WWOX: variants seen among roughly 807,000 people sequenced by gnomAD.
WWOX encodes the protein WW domain containing oxidoreductase.
In WWOX, 69 loss-of-function variants were observed where a neutral mutation model predicts 46.2. The observed-to-expected ratio is 1.49, with a 90% CI of 1.23 to 1.82. The LOEUF is 1.82. Ranked by LOEUF, WWOX falls within the 40% of genes most tolerant of loss-of-function variation. The pLI, the probability that WWOX is intolerant of heterozygous loss-of-function variation, is 0.00. For synonymous variants in WWOX, 359 were observed against 202.6 expected, an observed-to-expected ratio of 1.77 and a Z score of -6.56; for missense variants, 919 against 542.6, an observed-to-expected ratio of 1.69 and a Z score of -6.89.
rs147738229 is a variant in WWOX, at chr16:78,748,218, A to G, written c.1056+315466A>G. Among the ~76,000 whole-genome samples the G allele has an allele frequency of 2.5e-3, 380 of 152,308 alleles. 4 individuals carry two copies. The highest frequency in any genetic ancestry group is 8.5e-3 in the African/African-American group (353 of 41,576). ...CCAAAGCTAGGGCAGTGTCCACTCA[A>G]TACATATCTGATGAATGAATGAATG... On this transcript the variant is annotated intron_variant, in intron 8 of 8. Transcript: ENST00000566780.
chr16:78,106,105 C>G (rs11649069), intron 1 of WWOX, among the ~76,000 whole-genome samples: 1 of 151,996 alleles, frequency 6.6e-6, no homozygotes, highest in Non-Finnish European at 1.5e-5. Flanking sequence ...CCCCGCCACT[C>G]CATGGATTCT....
At chr16:78,156,863 C>G (rs1027314443) in intron 4 of WWOX, among the ~76,000 whole-genome samples, 2 of 152,122 alleles carry the variant, frequency 1.3e-5, no homozygotes, top group African/African-American at 4.8e-5. Context: ...GGTGGAGGTT[C>G]TAGTGAGCAG....
chr16:79,098,310 G>C (rs2049118099), intron 8 of WWOX, among the ~76,000 whole-genome samples: 1 of 152,198 alleles, frequency 6.6e-6, no homozygotes, highest in Non-Finnish European at 1.5e-5. Context: ...CTCAGTGTCT[G>C]AGACAGACAG....
At chr16:78,763,264 A>G (rs2049838793) in intron 8 of WWOX, among the ~76,000 whole-genome samples, 1 of 152,236 alleles carries the variant, frequency 6.6e-6, no homozygotes, top group African/African-American at 2.4e-5. Context: ...CATCCTGCAA[A>G]TTTTGGTATG....
intron 8 of WWOX, among the ~76,000 whole-genome samples, chr16:78,550,454 G>C (rs1400345965): frequency 6.6e-6 from 1 of 152,208 alleles, no homozygotes; most frequent in Non-Finnish European, 1.5e-5. Context: ...TGGTAGACTG[G>C]ATTTAGCTTG....
intron 8 of WWOX, among the ~76,000 whole-genome samples, chr16:78,474,796 A>G (rs539464025): frequency 3.4e-4 from 51 of 152,084 alleles, no homozygotes; most frequent in Non-Finnish European, 6.8e-4. Flanking sequence ...ATGCGTTTGT[A>G]TATTCTGGAC....
At chr16:78,855,553 C>G (rs139394466) in intron 8 of WWOX, among the ~76,000 whole-genome samples, 5 of 152,168 alleles carry the variant, frequency 3.3e-5, no homozygotes, top group Non-Finnish European at 5.9e-5. Context: ...AAAATTTCCC[C>G]AAGCACTTTG....
chr16:78,796,897 C>G (rs1186423652), intron 8 of WWOX, among the ~76,000 whole-genome samples: 1 of 151,018 alleles, frequency 6.6e-6, no homozygotes, highest in African/African-American at 2.4e-5. Context: ...GCGATCTCGG[C>G]TCACTGCAAA....
chr16:78,506,362 G>A (rs1230774715), intron 8 of WWOX: 1 of 152,218 alleles, frequency 6.6e-6, no homozygotes, highest in Non-Finnish European at 1.5e-5. Context: ...AGCAGAGCTC[G>A]AGTGCTTATA....
intron 8 of WWOX, among the ~76,000 whole-genome samples, chr16:78,984,992 A>G (rs369113714): frequency 6.6e-6 from 1 of 152,280 alleles, no homozygotes; most frequent in African/African-American, 2.4e-5. Context: ...AAGGAAAAAA[A>G]AAATATTGGA....
intron 8 of WWOX, among the ~76,000 whole-genome samples, chr16:78,926,853 T>C (rs551260577): frequency 4.6e-5 from 7 of 152,192 alleles, no homozygotes; most frequent in African/African-American, 4.8e-5. Flanking sequence ...CTGGAGTACA[T>C]TGGTGCGATG....
chr16:78,917,019 C>T (rs954366461), intron 8 of WWOX, among the ~76,000 whole-genome samples: 12 of 152,198 alleles, frequency 7.9e-5, no homozygotes, highest in African/African-American at 2.9e-4. Flanking sequence ...GTGACAAGCT[C>T]ACTCCTTGGG....
chr16:78,464,212 T>C (rs938068412), intron 8 of WWOX, among the ~76,000 whole-genome samples: 1 of 150,896 alleles, frequency 6.6e-6, no homozygotes, highest in African/African-American at 2.4e-5. Flanking sequence ...CTAAGCAGAA[T>C]GGAAGGGAAG....
chr16:78,843,496 C>G (rs953651789), intron 8 of WWOX, among the ~76,000 whole-genome samples: 17 of 150,098 alleles, frequency 1.1e-4, no homozygotes, highest in African/African-American at 4.1e-4. Context: ...TTAGCACCCT[C>G]CATATGCAAC....
At chr16:78,744,422 C>CTTTTTTTTTT (rs976073233) in intron 8 of WWOX, among the ~76,000 whole-genome samples, 15 of 82,256 alleles carry the variant, frequency 1.8e-4, no homozygotes, top group African/African-American at 6.7e-4. Flanking sequence ...GTCCACACTG[C>CTTTTTTTTTT]TTTTTTTTTT....
intron 4 of WWOX, among the ~76,000 whole-genome samples, chr16:78,143,333 G>C (rs576093763): frequency 6.6e-6 from 1 of 152,118 alleles, no homozygotes; most frequent in Non-Finnish European, 1.5e-5. Context: ...TACAGATCAA[G>C]GTCATCTTCA....
At chr16:78,473,775 A>G (rs1460021444) in intron 8 of WWOX, among the ~76,000 whole-genome samples, 3 of 152,102 alleles carry the variant, frequency 2.0e-5, no homozygotes, top group South Asian at 2.1e-4. Flanking sequence ...AAGATACGGC[A>G]GCCCACCAGT....
At chr16:79,181,077 G>A (rs115321894) in intron 8 of WWOX, among the ~76,000 whole-genome samples, 1,709 of 152,134 alleles carry the variant, frequency 0.011, 28 homozygotes, top group African/African-American at 0.039. Context: ...AGAAGAAAAC[G>A]CTCGTAATTT....
chr16:79,036,820 T>G (rs144418651), intron 8 of WWOX, among the ~76,000 whole-genome samples: 6 of 152,304 alleles, frequency 3.9e-5, no homozygotes, highest in African/African-American at 1.2e-4. Flanking sequence ...TGAACTGTGC[T>G]GTAGAGATGT....
Sources: allele counts gnomAD v4.1 joint callset (sites outside exome capture counted in the v4.1 genomes callset), GRCh38; gene constraint gnomAD v4.1.1; transcripts MANE v1.5; gene names NCBI Gene and HGNC (gene_info 2026-07-23, HGNC 2026-07-21).